The following AGBL3 variants were observed in gnomAD, a reference collection of about 807,000 sequenced individuals.
AGBL3 encodes AGBL carboxypeptidase 3.
AGBL3 carries 68 observed loss-of-function variants against 94.5 expected under a neutral mutation model. The observed-to-expected ratio is 0.72, with a 90% CI of 0.59 to 0.88. The LOEUF is 0.88. AGBL3 is among the 40% of genes least tolerant of loss of function. The probability of loss-of-function intolerance (pLI) is 0.00; values close to 1 mark genes in which losing one functional copy is unlikely to be tolerated. For synonymous variants in AGBL3, 354 were observed against 370.7 expected, an observed-to-expected ratio of 0.95 and a Z score of 0.52; for missense variants, 934 against 1,103.8, an observed-to-expected ratio of 0.85 and a Z score of 2.18.
Position 134,997,467 on chromosome 7 carries a change from T to C in AGBL3, c.310+3789T>C, listed in dbSNP as rs77114571. Among the ~76,000 whole-genome samples, 1,505 of 152,278 alleles carry C rather than the reference T, an allele frequency of 9.9e-3. 22 individuals are homozygous for C. The highest frequency in any genetic ancestry group is 0.034 in the African/African-American group (1,419 of 41,542). ...AGCCATAATGTGAGATAATATGAAG[T>C]GCTGCAAATCAGGGAAGCTCATCTA... On this transcript the variant is annotated intron_variant, in intron 4 of 16. Transcript: ENST00000436302.
intron 15 of AGBL3, among the ~76,000 whole-genome samples, chr7:135,085,380 T>C (rs1017954883): frequency 1.3e-5 from 2 of 152,132 alleles, no homozygotes; most frequent in African/African-American, 4.8e-5. Context: ...ATATTTGCTT[T>C]AGTTGCCTGG....
At chr7:135,087,541 T>C (rs547052005) in intron 15 of AGBL3, among the ~76,000 whole-genome samples, 3 of 152,192 alleles carry the variant, frequency 2.0e-5, no homozygotes, top group South Asian at 2.1e-4. Flanking sequence ...TCTATTTACA[T>C]TGGTTTCAAT....
chr7:135,084,476 C>A (rs1014098207), intron 15 of AGBL3, among the ~76,000 whole-genome samples: 4 of 152,150 alleles, frequency 2.6e-5, no homozygotes, highest in Admixed American at 1.3e-4. Context: ...GTTAAGCAAC[C>A]TTTGACTATC....
chr7:134,995,023 A>G (rs562028329), intron 4 of AGBL3, among the ~76,000 whole-genome samples: 1 of 152,266 alleles, frequency 6.6e-6, no homozygotes, highest in Non-Finnish European at 1.5e-5. Context: ...GTCAGGAAAT[A>G]AAAAAGTCCA....
chr7:135,121,831 C>A (rs1827174977), intron 16 of AGBL3, among the ~76,000 whole-genome samples: 1 of 152,176 alleles, frequency 6.6e-6, no homozygotes, highest in Non-Finnish European at 1.5e-5. Context: ...ATATCCCCAG[C>A]CAAGGGAGGT....
chr7:135,023,369 G>T (rs1211978292), intron 5 of AGBL3, among the ~76,000 whole-genome samples: 2 of 152,166 alleles, frequency 1.3e-5, no homozygotes, highest in Non-Finnish European at 2.9e-5. Flanking sequence ...CCTGCATGGG[G>T]TTGCTGAATG....
At chr7:135,094,676 G>A in intron 15 of AGBL3, 1 of 366,446 alleles carries the variant, frequency 2.7e-6, no homozygotes. Flanking sequence ...AACTCTAAAA[G>A]GAGAAAATCA....
rs1256551260 is a variant in AGBL3, at chr7:135,034,367, T to C, written c.776T>C (p.Ile259Thr). 5 of 1,551,510 alleles carry C rather than the reference T, an allele frequency of 3.2e-6. No individual in the cohort carries two copies. The highest frequency in any genetic ancestry group is 2.4e-5 in the South Asian group (2 of 84,054). ...AKAHHIGWQR[I>T]GDQIKYYRNN... The stretch of plus-strand genomic sequence containing the variant: ...GCTCATCACATTGGCTGGCAGAGAA[T>C]AGGAGACCAAATCAAGTATTATAGG... Residue 259 changes from isoleucine (I) to threonine (T), a missense_variant, in exon 7 of 17, where the codon ATA (isoleucine) becomes ACA (threonine). Around this residue, in one of 3 missense-constraint regions of AGBL3, gnomAD observed 488 missense variants for 563.6 expected, o/e 0.87. Transcript: ENST00000436302.
At chr7:135,038,342 A>T (rs1482472456) in intron 8 of AGBL3, among the ~76,000 whole-genome samples, 1 of 152,214 alleles carries the variant, frequency 6.6e-6, no homozygotes, top group Non-Finnish European at 1.5e-5. Flanking sequence ...GCCAAAGAGG[A>T]TTCATTTCCT....
chr7:135,115,778 G>T, intron 16 of AGBL3, 167 bp downstream of exon 16: 1 of 562,086 alleles, frequency 1.8e-6, no homozygotes. Context: ...GAAAACACTG[G>T]ATAAATGAAG....
At chr7:135,051,143 T>G in intron 11 of AGBL3, 1 of 375,750 alleles carries the variant, frequency 2.7e-6, no homozygotes, top group Non-Finnish European at 5.1e-6. Context: ...TTTTATAAGC[T>G]CCCACTTATA....
At chr7:135,035,976 C>T (rs1014733212) in intron 7 of AGBL3, among the ~76,000 whole-genome samples, 14 of 152,010 alleles carry the variant, frequency 9.2e-5, no homozygotes, top group Non-Finnish European at 2.1e-4. Flanking sequence ...GAGAAAAGGG[C>T]AATAAATTAA....
intron 15 of AGBL3, among the ~76,000 whole-genome samples, chr7:135,104,921 A>C (rs1369575417): frequency 2.0e-5 from 3 of 151,786 alleles, no homozygotes; most frequent in South Asian, 2.1e-4. Context: ...GAAGCTCTTA[A>C]GTTTAATTAG....
At chr7:134,994,095 G>A (rs1284344684) in intron 4 of AGBL3, among the ~76,000 whole-genome samples, 1 of 152,186 alleles carries the variant, frequency 6.6e-6, no homozygotes, top group East Asian at 1.9e-4. Flanking sequence ...GCATGACGGT[G>A]TCCCAGGCAC....
At chr7:135,011,758 T>C (rs1381751862) in intron 4 of AGBL3, 5 of 152,184 alleles carry the variant, frequency 3.3e-5, no homozygotes, top group Non-Finnish European at 7.4e-5. Flanking sequence ...AAGGTTAAAT[T>C]TAACTTATAC....
chr7:135,037,385 T>C, intron 7 of AGBL3, 33 bp from the exon 8 acceptor site: 1 of 1,514,468 alleles, frequency 6.6e-7, no homozygotes, highest in Non-Finnish European at 8.8e-7. Flanking sequence ...AATGCAGAGA[T>C]AAAAGTTAGT....
chr7:135,088,485 C>T (rs1200891295), intron 15 of AGBL3, among the ~76,000 whole-genome samples: 2 of 151,970 alleles, frequency 1.3e-5, no homozygotes, highest in Non-Finnish European at 2.9e-5. Flanking sequence ...GAGTTTTATA[C>T]TTTTATATGT....
At chr7:135,015,763 C>A (rs1480836558) in intron 4 of AGBL3, among the ~76,000 whole-genome samples, 2 of 151,330 alleles carry the variant, frequency 1.3e-5, no homozygotes, top group Admixed American at 6.6e-5. Flanking sequence ...GCCTGTAATC[C>A]CAGCACTTTG....
chr7:135,092,781 T>TA (rs772523330), intron 15 of AGBL3: 1 of 151,848 alleles, frequency 6.6e-6, no homozygotes, highest in African/African-American at 2.4e-5. Flanking sequence ...AATGAAAAAG[T>TA]AAGAGAAAAT....
Sources: gnomAD v4.1 joint callset for allele counts (sites outside exome capture counted in the v4.1 genomes callset) on GRCh38, gnomAD v4.1.1 for gene constraint, gnomAD v4.1.1 regional missense constraint, MANE v1.5 for transcripts, NCBI Gene and HGNC (gene_info 2026-07-23, HGNC 2026-07-21) for gene names.